Variants in MAN2A2 observed in about 807,000 individuals in gnomAD.
MAN2A2 encodes mannosidase alpha class 2A member 2, also known as alpha-mannosidase 2x.
In MAN2A2, 79 loss-of-function variants were observed where a neutral mutation model predicts 126.8. That is an observed-to-expected ratio of 0.62 (90% CI 0.52 to 0.75). MAN2A2 has a LOEUF of 0.75. Among genes scored for constraint, MAN2A2 ranks in the 30% least tolerant of loss-of-function variants. The probability of loss-of-function intolerance (pLI) is 0.00; values close to 1 mark genes in which losing one functional copy is unlikely to be tolerated. For synonymous variants in MAN2A2, 671 were observed against 618.7 expected (o/e 1.08, Z -1.25); for missense variants, 1,392 against 1,522.4 (o/e 0.91, Z 1.43).
Position 90,910,123 on chromosome 15 carries a change from G to A in MAN2A2, c.1408G>A (p.Ala470Thr), listed in dbSNP as rs746187640. ...TGGCACTCTTTCTGACTATTTTGAT[G>A]CCCTGTACAAGAGGACAGGGGTGGA... ...QFGTLSDYFD[A>T]LYKRTGVEPG... The change falls in exon 10 of 23, where the codon GCC (alanine) becomes ACC (threonine). Residue 470 changes from alanine to threonine, a missense_variant. Ala to Thr is a moderately conservative substitution (Grantham distance 58). Transcript: ENST00000559717. 9 of 1,613,640 alleles carry A rather than the reference G, an allele frequency of 5.6e-6. No individual in the cohort carries two copies. The highest frequency in any genetic ancestry group is 2.2e-5 in the South Asian group (2 of 91,062).
intron 12 of MAN2A2, 78 bp downstream of exon 12, chr15:90,911,039 C>T (rs373623560): frequency 4.9e-5 from 72 of 1,483,706 alleles, no homozygotes; most frequent in Non-Finnish European, 5.5e-5. Flanking sequence ...ATGGGGGTGC[C>T]GCTTCTCTTT....
chr15:90,910,046 G>A (rs2034599687), intron 9 of MAN2A2, 44 bp from the exon 10 acceptor site: 2 of 1,544,584 alleles, frequency 1.3e-6, no homozygotes, highest in African/African-American at 2.7e-5. Context: ...CAATTTGCAG[G>A]AGGCTCTAGA....
In MAN2A2 at chr15:90,910,290, G is replaced by T; in HGVS notation, c.1575G>T (p.Leu525=). ...TAGACCGAGTCCTGGAAGCCCACCT[G>T]CGGTGAGACCCTGTCCCCGCTTCCA... ...KSLDRVLEAH[L]RGAEVLYSLA... is the part of the protein sequence containing the mutation. The change falls in exon 10 of 23, where the codon CTG becomes CTT. Residue 525 remains leucine (L), a splice_region_variant and synonymous_variant. Coordinates refer to ENST00000559717, the MANE Select transcript of MAN2A2 (RefSeq NM_006122.4). The T allele has an allele frequency of 6.2e-7, 1 of 1,613,978 alleles. No individual in the cohort carries two copies. The highest frequency in any genetic ancestry group is 1.7e-5 in the Admixed American group (1 of 60,024).
At chr15:90,915,782 G>A (rs1264760727) in intron 19 of MAN2A2, among the ~76,000 whole-genome samples, 1 of 152,242 alleles carries the variant, frequency 6.6e-6, no homozygotes, top group Non-Finnish European at 1.5e-5. Context: ...TTCATTTCTG[G>A]TTTATTTTGT....
At chr15:90,914,336 A>G (rs2035004837) in intron 19 of MAN2A2, among the ~76,000 whole-genome samples, 2 of 151,308 alleles carry the variant, frequency 1.3e-5, no homozygotes, top group African/African-American at 4.9e-5. Flanking sequence ...CTGAAAAAAA[A>G]GGCAAGAAGC....
In MAN2A2 at chr15:90,909,345, C is replaced by G. The variant is rs754403195; in HGVS notation, c.1215C>G (p.Asp405Glu). Residue 405 changes from aspartate (D) to glutamate (E), a missense_variant, in exon 9 of 23, where the codon GAC becomes GAG. By Grantham distance (45) the Asp-to-Glu change is conservative (BLOSUM62 2). Transcript: ENST00000559717. ...NVAERAALLL[D>E]QYRKKSQLFR... ...GCCCCAGGGCAGCCCTGCTTCTGGA[C>G]CAATACCGGAAGAAGTCCCAGCTGT... 1.2e-6 allele frequency: 2 copies of G among 1,612,664 alleles called. No homozygotes were observed. The highest frequency in any genetic ancestry group is 4.5e-5 in the East Asian group (2 of 44,850).
At chr15:90,914,283 C>T (rs1214651256) in intron 19 of MAN2A2, among the ~76,000 whole-genome samples, 2 of 152,152 alleles carry the variant, frequency 1.3e-5, no homozygotes, top group African/African-American at 4.8e-5. Context: ...TAAGCCAAGA[C>T]TGTGCCACTG....
At chr15:90,906,553 G>A in intron 6 of MAN2A2, 56 bp downstream of exon 6, 1 of 1,612,996 alleles carries the variant, frequency 6.2e-7, no homozygotes, top group Non-Finnish European at 8.5e-7. Flanking sequence ...GCACAGGCAG[G>A]GGCTGTAAGG....
At position 90,910,836 on chromosome 15, in the gene MAN2A2, G is replaced by A. The variant is rs368622753; in HGVS notation, c.1761-11G>A. On this transcript the variant is annotated splice_polypyrimidine_tract_variant and intron_variant, in intron 11 of 22. Transcript: ENST00000559717. ...CATCTTCTCTCCTTCCCTCTCCTGCGCCACCCACAGGCTTCTGCGCTCCCT... is the reference window on the plus strand; with the variant it reads ...CATCTTCTCTCCTTCCCTCTCCTGCACCACCCACAGGCTTCTGCGCTCCCT... 3.2e-5 allele frequency: 51 copies of A among 1,611,210 alleles called. No homozygotes were observed. The highest frequency in any genetic ancestry group is 3.1e-4 in the African/African-American group (23 of 74,800).
intron 17 of MAN2A2, 30 bp from the exon 18 acceptor site, chr15:90,913,243 T>C (rs1305694696): frequency 1.2e-6 from 2 of 1,611,206 alleles, no homozygotes; most frequent in African/African-American, 2.7e-5. Flanking sequence ...CTCACACCTG[T>C]CCATGCCCCC....
chr15:90,909,425 C>A lies in MAN2A2; in HGVS notation c.1295C>A (p.Pro432His). The A allele has an allele frequency of 1.9e-6, 3 of 1,614,102 alleles. No individual in the cohort carries two copies. In the South Asian group the frequency reaches 3.3e-5, roughly 18 times the overall value. The change falls in exon 9 of 23, where the codon CCC (proline) becomes CAC (histidine). Residue 432 changes from proline (P) to histidine (H), a missense_variant. Pro to His is a moderately conservative substitution (Grantham distance 77). Transcript: ENST00000559717. Reference sequence around the variant, plus strand: ...GGAGATGACTTCCGATATGACAAGCCCCAGGAGTGGGATGCCCAGTTCTTC... The same window carrying A: ...GGAGATGACTTCCGATATGACAAGCACCAGGAGTGGGATGCCCAGTTCTTC... The part of the protein sequence containing the change: ...PLGDDFRYDK[P>H]QEWDAQFFNY...
chr15:90,910,147 G>A lies in MAN2A2; in HGVS notation c.1432G>A (p.Glu478Lys). The A allele has an allele frequency of 6.2e-7, 1 of 1,614,092 alleles. No individual in the cohort carries two copies. The highest frequency in any genetic ancestry group is 8.5e-7 in the Non-Finnish European group (1 of 1,180,016). Residue 478 changes from glutamate to lysine, a missense_variant, in exon 10 of 23, where the codon GAG becomes AAG. By Grantham distance (56) the Glu-to-Lys change is moderately conservative. Transcript: ENST00000559717. Reference sequence around the variant, plus strand: ...TGCCCTGTACAAGAGGACAGGGGTGGAGCCAGGGGCCCGGCCTCCAGGGTT... The same window carrying A: ...TGCCCTGTACAAGAGGACAGGGGTGAAGCCAGGGGCCCGGCCTCCAGGGTT... ...FDALYKRTGV[E>K]PGARPPGFPV...
chr15:90,913,542 C>A (rs1410508000), intron 18 of MAN2A2, 72 bp from the exon 19 acceptor site: 1 of 1,568,106 alleles, frequency 6.4e-7, no homozygotes, highest in Non-Finnish European at 8.6e-7. Context: ...ATCGGGGACT[C>A]CTTCAGTCTG....
rs1266492 is a variant in MAN2A2, at chr15:90,912,872, T to G, written c.2470-5T>G. On this transcript the variant is annotated splice_region_variant and splice_polypyrimidine_tract_variant and intron_variant, in intron 16 of 22. Coordinates refer to ENST00000559717, the MANE Select transcript of MAN2A2 (RefSeq NM_006122.4). ...AGTTTCAACAGCAATCTGCTCTTTC[T>G]CTAGCCCTACGTCCCCAAGGAGCCC... The G allele has an allele frequency of 6.2e-7, 1 of 1,611,394 alleles. No individual in the cohort carries two copies. The highest frequency in any genetic ancestry group is 1.3e-5 in the African/African-American group (1 of 74,892).
rs758075602 is a variant in MAN2A2 at position 90,911,153 on chromosome 15, C to G, written c.1876-18C>G. 6.2e-7 allele frequency: 1 copy of G among 1,613,258 alleles called. No homozygotes were observed. Among genetic ancestry groups the G allele is most frequent in the East Asian group, 2.2e-5 (1 of 44,838 alleles). ...TGAGCCCATGATGGTTCTTCCCTTCCGGCTCACTGAATTCCAGGATGACAC... is the reference window on the plus strand; with the variant it reads ...TGAGCCCATGATGGTTCTTCCCTTCGGGCTCACTGAATTCCAGGATGACAC... On this transcript the variant is annotated intron_variant, in intron 12 of 22. Transcript: ENST00000559717.
chr15:90,915,225 C>A (rs920529424), intron 19 of MAN2A2, among the ~76,000 whole-genome samples: 1 of 152,182 alleles, frequency 6.6e-6, no homozygotes, highest in African/African-American at 2.4e-5. Context: ...ACAAGGGATC[C>A]GTTTTAGGGT....
chr15:90,911,648 T>C (rs1256517466), intron 14 of MAN2A2, 98 bp downstream of exon 14: 14 of 1,337,426 alleles, frequency 1.0e-5, no homozygotes, highest in Non-Finnish European at 1.3e-5. Context: ...CTTGTGGCCC[T>C]GCTACTCTCC....
chr15:90,912,658 G>T lies in MAN2A2; in HGVS notation c.2463G>T (p.Glu821Asp). ...SGAYLFLPDG[E>D]AKPYVPKEPP... ...CCTACCTCTTCCTGCCCGATGGCGA[G>T]GCCAAGGTATCCTAAAGATGCCTTG... Residue 821 changes from glutamate to aspartate, a missense_variant, in exon 16 of 23, where the codon GAG becomes GAT. Glu to Asp is a conservative substitution (Grantham distance 45). Transcript: ENST00000559717. 3 of 1,614,114 alleles carry T rather than the reference G, an allele frequency of 1.9e-6. No individual in the cohort carries two copies. The highest frequency in any genetic ancestry group is 2.5e-6 in the Non-Finnish European group (3 of 1,180,026).
Position 90,911,568 on chromosome 15 carries a change from C to T in MAN2A2, c.2109+18C>T, listed in dbSNP as rs757921707. 6.3e-7 allele frequency: 1 copy of T among 1,598,786 alleles called. No individual in the cohort carries two copies. On this transcript the variant is annotated intron_variant, in intron 14 of 22. Coordinates refer to ENST00000559717, the MANE Select transcript of MAN2A2 (RefSeq NM_006122.4). ...TCTACCAGGTGAGGTGTGGGCTTGTCAGGTGGGCCTGGCCCTCTGCCCGTC... is the reference window on the plus strand; with the variant it reads ...TCTACCAGGTGAGGTGTGGGCTTGTTAGGTGGGCCTGGCCCTCTGCCCGTC...
Sources: gnomAD v4.1 joint callset for allele counts (sites outside exome capture counted in the v4.1 genomes callset) on GRCh38, gnomAD v4.1.1 for gene constraint, MANE v1.5 for transcripts, NCBI Gene and HGNC (gene_info 2026-07-23, HGNC 2026-07-21) for gene names.